ACADM: variants seen among roughly 807,000 people sequenced by gnomAD.
ACADM encodes the protein medium-chain specific acyl-CoA dehydrogenase, mitochondrial.
In ACADM, 49 loss-of-function variants were observed where a neutral mutation model predicts 58.9. The ratio of observed to expected loss-of-function variants is 0.83; its 90% CI spans 0.66 to 1.06. ACADM has a LOEUF of 1.06. Ranked by LOEUF, ACADM falls within the 50% of genes least tolerant of loss-of-function variation. ACADM has a pLI of 0.00. For synonymous variants in ACADM, 160 were observed against 157.7 expected (o/e 1.01, Z -0.11); for missense variants, 496 against 507.0 (o/e 0.98, Z 0.21).
intron 7 of ACADM, among the ~76,000 whole-genome samples, chr1:75,741,956 A>G (rs1474859301): frequency 6.6e-6 from 1 of 152,212 alleles, no homozygotes; most frequent in East Asian, 1.9e-4. Context: ...TATAACAAAA[A>G]CACTGACTTG....
At chr1:75,743,168 A>G (rs577097806) in intron 7 of ACADM, among the ~76,000 whole-genome samples, 1 of 88,886 alleles carries the variant, frequency 1.1e-5, no homozygotes, top group East Asian at 3.9e-4. Context: ...ATGAGCATCC[A>G]TTAAGGCTCT....
rs748110745 is a variant in ACADM, at chr1:75,761,326, G to T, written c.1150G>T (p.Glu384Ter). ...ACTTGGAGGCAATGGATTTAATACA[G>T]AATATCCTGTAGAAAAACTAATGAG... ...QILGGNGFNT[E>*]YPVEKLMRDA... Residue 384 changes from glutamate (E) to a stop codon, truncating the protein, a stop_gained, in exon 11 of 12, where the codon GAA (glutamate) becomes TAA (stop). Transcript: ENST00000370841. LOFTEE classifies it high-confidence loss of function. The T allele has an allele frequency of 1.9e-5, 31 of 1,613,808 alleles. No homozygotes were observed. The highest frequency in any genetic ancestry group is 2.6e-5 in the Non-Finnish European group (31 of 1,179,874).
chr1:75,743,918 C>T, intron 7 of ACADM: 1 of 1,483,488 alleles, frequency 6.7e-7, no homozygotes, highest in Non-Finnish European at 9.4e-7. Flanking sequence ...AAGGCTGAGG[C>T]CTTCACAGAT....
At position 75,761,694 on chromosome 1, in the gene ACADM, A is replaced by G. The variant is rs373926771; in HGVS notation, c.1194+324A>G. 3.7e-3 allele frequency: 1,079 copies of G among 289,496 alleles called. 7 individuals are homozygous for G. The highest frequency in any genetic ancestry group is 0.012 in the South Asian group (281 of 24,040). The allele number at this position is 289,496 out of a possible 1,614,324, so 17.9% of individuals were successfully genotyped here. Reference sequence around the variant, plus strand: ...AAAGTATGCATGTCATTTAAAATTAATTATTTTGATTTGAATCTTGCCTGA... The same window carrying G: ...AAAGTATGCATGTCATTTAAAATTAGTTATTTTGATTTGAATCTTGCCTGA... On this transcript the variant is annotated intron_variant, in intron 11 of 11. Coordinates refer to ENST00000370841, the MANE Select transcript of ACADM (RefSeq NM_000016.6).
At chr1:75,761,395 GT>G in intron 11 of ACADM, 25 bp downstream of exon 11, 1 of 1,612,436 alleles carries the variant, frequency 6.2e-7, no homozygotes, top group Non-Finnish European at 8.5e-7. Flanking sequence ...GATTTTTTTG[GT>G]TTGCAAGGAG....
At chr1:75,761,956 C>T (rs138852008) in intron 11 of ACADM, among the ~76,000 whole-genome samples, 40 of 152,314 alleles carry the variant, frequency 2.6e-4, no homozygotes, top group Middle Eastern at 3.4e-3. Flanking sequence ...AATTATTTGA[C>T]TCATCCAGTC....
chr1:75,726,290 T>C (rs192149431), intron 1 of ACADM, among the ~76,000 whole-genome samples: 45 of 149,776 alleles, frequency 3.0e-4, no homozygotes, highest in African/African-American at 1.1e-3. Context: ...ATGCCTGTAA[T>C]CCCAGGAGGC....
chr1:75,754,155 C>T (rs1648364685), intron 10 of ACADM, among the ~76,000 whole-genome samples: 1 of 150,662 alleles, frequency 6.6e-6, no homozygotes, highest in Non-Finnish European at 1.5e-5. Context: ...CTTGTCACTC[C>T]TTTGCTAGGT....
At chr1:75,740,138 T>C (rs1647487330) in intron 7 of ACADM, 28 bp downstream of exon 7, 1 of 1,591,736 alleles carries the variant, frequency 6.3e-7, no homozygotes, top group East Asian at 2.3e-5. Flanking sequence ...TCTTTGTATA[T>C]TTTTTCTTAA....
At chr1:75,743,970 A>C in intron 7 of ACADM, 1 of 1,554,078 alleles carries the variant, frequency 6.4e-7, no homozygotes, top group Admixed American at 1.7e-5. Context: ...TCTTCAAAAA[A>C]GCCTCTTTGT....
chr1:75,758,164 T>C (rs1028007471), intron 10 of ACADM, among the ~76,000 whole-genome samples: 4 of 152,046 alleles, frequency 2.6e-5, no homozygotes, highest in African/African-American at 9.7e-5. Flanking sequence ...CTGGGTTCAA[T>C]TGATTCTCCT....
At chr1:75,733,780 C>T (rs946938834) in intron 5 of ACADM, 152 bp downstream of exon 5, 22 of 679,418 alleles carry the variant, frequency 3.2e-5, no homozygotes, top group Non-Finnish European at 5.5e-5. Flanking sequence ...TAAAGAGGAA[C>T]ACAAGATTCA....
chr1:75,759,843 T>C (rs1312218145), intron 10 of ACADM, among the ~76,000 whole-genome samples: 5 of 151,948 alleles, frequency 3.3e-5, no homozygotes, highest in South Asian at 4.2e-4. Context: ...GTATTTTTAG[T>C]AGAGACGGGG....
At chr1:75,727,277 A>G (rs1000069944) in intron 1 of ACADM, among the ~76,000 whole-genome samples, 3 of 152,222 alleles carry the variant, frequency 2.0e-5, no homozygotes, top group East Asian at 1.9e-4. Context: ...TTCGTCTTTT[A>G]TAAGTTGAAA....
At chr1:75,760,639 A>C (rs1479146962) in intron 10 of ACADM, among the ~76,000 whole-genome samples, 2 of 151,234 alleles carry the variant, frequency 1.3e-5, no homozygotes, top group African/African-American at 4.9e-5. Context: ...CATTCTTCAG[A>C]AGTGCAAAGA....
chr1:75,754,178 A>G (rs528118022), intron 10 of ACADM, among the ~76,000 whole-genome samples: 125 of 143,228 alleles, frequency 8.7e-4, no homozygotes, highest in African/African-American at 3.1e-3. Context: ...CTCTCAACCC[A>G]TTTGTGTGCC....
Position 75,724,766 on chromosome 1 carries a change from A to G in ACADM, c.-22A>G. ...GCCGTGACCCGTGTATTATTGTCCG[A>G]GTGGCCGGAACGGGAGCCAACATGG... On this transcript the variant is annotated 5_prime_UTR_variant, in exon 1 of 12. Coordinates refer to ENST00000370841, the MANE Select transcript of ACADM (RefSeq NM_000016.6). The G allele has an allele frequency of 2.0e-6, 3 of 1,530,710 alleles. No homozygotes were observed. The highest frequency in any genetic ancestry group is 2.6e-6 in the Non-Finnish European group (3 of 1,137,308). 94.8% of individuals were successfully genotyped at this position (1,530,710 alleles called of 1,614,324 possible).
At chr1:75,731,707 A>G (rs1445644825) in intron 2 of ACADM, among the ~76,000 whole-genome samples, 1 of 152,148 alleles carries the variant, frequency 6.6e-6, no homozygotes, top group Non-Finnish European at 1.5e-5. Flanking sequence ...GCTTTGTGCT[A>G]ATTTATAAGC....
chr1:75,749,683 A>G (rs1648092498), intron 9 of ACADM, 124 bp downstream of exon 9: 1 of 774,836 alleles, frequency 1.3e-6, no homozygotes, highest in African/African-American at 1.8e-5. Context: ...TTTATTAAGG[A>G]TATAGGAAAA....
Sources: allele counts gnomAD v4.1 joint callset (sites outside exome capture counted in the v4.1 genomes callset), GRCh38; gene constraint gnomAD v4.1.1; transcripts MANE v1.5; gene names NCBI Gene and HGNC (gene_info 2026-07-23, HGNC 2026-07-21).